Variants in MGAM observed in about 807,000 individuals in gnomAD.
MGAM encodes the protein alpha-1,4-glucosidase.
A neutral mutation model predicts 358.8 loss-of-function variants in MGAM; 253 were observed. The ratio of observed to expected loss-of-function variants is 0.71; its 90% CI spans 0.64 to 0.78. The LOEUF (loss-of-function observed/expected upper bound fraction) is 0.78. Among genes scored for constraint, MGAM ranks in the 30% least tolerant of loss-of-function variants. The pLI is 0.00. For missense variants in MGAM, 3,080 were observed against 3,432.6 expected (o/e 0.90, Z 2.57); for synonymous variants, 1,105 against 1,227.1 (o/e 0.90, Z 2.08).
rs536122263 is a variant in MGAM at position 142,064,594 on chromosome 7, G to A, written c.4484+72G>A. 467 of 1,518,464 alleles carry A rather than the reference G, an allele frequency of 3.1e-4. 1 individual carries two copies. The highest frequency in any genetic ancestry group is 1.4e-4 in the Non-Finnish European group (159 of 1,125,232). The allele number at this position is 1,518,464 out of a possible 1,614,324, so 94.1% of individuals were successfully genotyped here. On this transcript the variant is annotated intron_variant, in intron 37 of 70. Transcript: ENST00000475668. The stretch of plus-strand genomic sequence containing the variant: ...GCCAGTGACTGACATAGCTACCCTA[G>A]TTTTCCTTTCATTCCATTTCTAAGG...
upstream of MGAM, among the ~76,000 whole-genome samples, chr7:141,993,990 C>T (rs1405389950): frequency 3.3e-5 from 5 of 152,104 alleles, no homozygotes; most frequent in Non-Finnish European, 5.9e-5. Context: ...ATTCTCTTGC[C>T]GCAGCCTCAT....
In MGAM at chr7:142,088,992, G is replaced by GTATCTATC. The variant is rs1468943382; in HGVS notation, c.6810+2278_6810+2279insCTATCTAT. Reference sequence around the variant, plus strand: ...TGTATGTATGTATGTATGTATGTATGTATGTATCTATCTATCTATCTATCT... The same window carrying GTATCTATC: ...TGTATGTATGTATGTATGTATGTATGTATCTATCTATGTATCTATCTATCTATCTATCT... On this transcript the variant is annotated intron_variant, in intron 57 of 70. Transcript: ENST00000475668. 6.4e-3 allele frequency among the ~76,000 whole-genome samples: 413 copies of GTATCTATC among 64,376 alleles called. 26 individuals are homozygous for GTATCTATC. Among genetic ancestry groups the GTATCTATC allele is most frequent in the Middle Eastern group, 0.015 (2 of 132 alleles). The allele number at this position is 64,376 out of a possible 152,430, so 42.2% of individuals were successfully genotyped here. A position where few individuals can be genotyped will look rare whatever the true frequency, so the allele number is the denominator to read the frequency against.
At chr7:142,005,014 A>T (rs1805031006) in intron 1 of MGAM, among the ~76,000 whole-genome samples, 1 of 152,088 alleles carries the variant, frequency 6.6e-6, no homozygotes, top group South Asian at 2.1e-4. Context: ...ATGCATAGAG[A>T]TGTAATCAAC....
At chr7:142,023,624 A>G (rs1420974214) in intron 7 of MGAM, among the ~76,000 whole-genome samples, 1 of 152,148 alleles carries the variant, frequency 6.6e-6, no homozygotes, top group African/African-American at 2.4e-5. Context: ...CCTTGCAATG[A>G]GCCGAGATCG....
rs1358521284 is a variant in MGAM at position 142,062,811 on chromosome 7, A to ATCTT, written c.4257+109_4257+110insTCTT. On this transcript the variant is annotated intron_variant, in intron 35 of 70. Transcript: ENST00000475668. ...AGAGGATAGTCATTGTCCAAAGAAG[A>ATCTT]CTTTGGACATAGCAGACACTTCTTC... 6 of 1,528,636 alleles carry ATCTT rather than the reference A, an allele frequency of 3.9e-6. No homozygotes were observed. The African/African-American group carries it at 8.3e-5, about 21-fold the overall frequency. The allele number at this position is 1,528,636 out of a possible 1,614,324, so 94.7% of individuals were successfully genotyped here.
At chr7:142,023,766 C>T (rs1554459939) in intron 7 of MGAM, among the ~76,000 whole-genome samples, 3 of 152,056 alleles carry the variant, frequency 2.0e-5, no homozygotes, top group African/African-American at 7.2e-5. Context: ...GTACATATGC[C>T]TATCAGAAAA....
In MGAM at chr7:142,066,422, C is replaced by T. The variant is rs1219958677; in HGVS notation, c.4771-151C>T. On this transcript the variant is annotated intron_variant, in intron 40 of 70. Transcript: ENST00000475668. ...TTAGGAGAGCTTTGGTGACTCTTTC[C>T]GGTCTATTAAGAATATTCTCTGGGC... The T allele has an allele frequency of 5.9e-5, 56 of 946,238 alleles. 4 individuals are homozygous for T. Among genetic ancestry groups the T allele is most frequent in the Admixed American group, 3.9e-4 (13 of 33,058 alleles). The allele number at this position is 946,238 out of a possible 1,614,324, so 58.6% of individuals were successfully genotyped here. A position where few individuals can be genotyped will look rare whatever the true frequency, so the allele number is the denominator to read the frequency against.
chr7:142,064,371 T>C lies in MGAM; in HGVS notation c.4346-13T>C, dbSNP rs1812519039. ...CAGGGCTGGGTTTCACCTCGCCAGT[T>C]CTTCCTCCTCAGATTTGGAGTCCAG... On this transcript the variant is annotated splice_polypyrimidine_tract_variant and intron_variant, in intron 36 of 70. Coordinates refer to ENST00000475668, the MANE Select transcript of MGAM (RefSeq NM_001365693.1). 1.9e-6 allele frequency: 3 copies of C among 1,603,480 alleles called. No homozygotes were observed. Among genetic ancestry groups the C allele is most frequent in the Non-Finnish European group, 2.6e-6 (3 of 1,175,108 alleles).
chr7:142,077,751 C>T (rs1316379714), intron 47 of MGAM, among the ~76,000 whole-genome samples: 1 of 144,788 alleles, frequency 6.9e-6, no homozygotes, highest in African/African-American at 2.4e-5. Context: ...TTCATATACT[C>T]CATAAATATG....
intron 41 of MGAM, 115 bp from the exon 42 acceptor site, chr7:142,067,226 G>A (rs1295803165): frequency 2.0e-6 from 2 of 984,710 alleles, no homozygotes; most frequent in East Asian, 5.2e-5. Flanking sequence ...AACAAAGCAA[G>A]GATGGCTCAG....
intron 2 of MGAM, among the ~76,000 whole-genome samples, 157 bp downstream of exon 2, chr7:142,005,814 G>T (rs1805111607): frequency 1.3e-5 from 2 of 151,910 alleles, no homozygotes; most frequent in South Asian, 4.2e-4. Context: ...CAGCTCAGTA[G>T]ATATTCATTG....
chr7:142,106,204 C>T lies in MGAM; in HGVS notation c.*313C>T, dbSNP rs866207044. On this transcript the variant is annotated 3_prime_UTR_variant, in exon 71 of 71. Transcript: ENST00000475668. ...CCATGATGAAGTGTGTGTATGTCCA[C>T]GTTTGTAATCATAGAATGGACCCCA... 7.7e-5 allele frequency: 14 copies of T among 182,896 alleles called. No homozygotes were observed. Among genetic ancestry groups the T allele is most frequent in the Non-Finnish European group, 1.3e-4 (11 of 86,172 alleles). 11.3% of individuals were successfully genotyped at this position (182,896 alleles called of 1,614,324 possible). A position where few individuals can be genotyped will look rare whatever the true frequency, so the allele number is the denominator to read the frequency against.
In MGAM at chr7:142,047,884, A is replaced by C. The variant is rs747566723; in HGVS notation, c.2587+11A>C. ...ATGGGGAAACGAAGGGTGAGCACTTATACGATAATGTTGCTGTTTCCCAAC... is the reference window on the plus strand; with the variant it reads ...ATGGGGAAACGAAGGGTGAGCACTTCTACGATAATGTTGCTGTTTCCCAAC... On this transcript the variant is annotated intron_variant, in intron 22 of 70. Transcript: ENST00000475668. The C allele has an allele frequency of 1.9e-6, 3 of 1,583,814 alleles. No homozygotes were observed. Among genetic ancestry groups the C allele is most frequent in the Non-Finnish European group, 2.6e-6 (3 of 1,153,790 alleles).
In MGAM at chr7:142,052,406, C is replaced by T. The variant is rs550361154; in HGVS notation, c.2918C>T (p.Ala973Val). 6.2e-7 allele frequency: 1 copy of T among 1,613,414 alleles called. No individual in the cohort carries two copies. The highest frequency in any genetic ancestry group is 8.5e-7 in the Non-Finnish European group (1 of 1,179,682). The part of the protein sequence containing the change: ...KIDCYPDENG[A>V]SAENCTARGC... ...GACTGTTACCCTGATGAGAATGGTG[C>T]TTCTGCCGAAAACTGCACTGCCCGT... Residue 973 changes from alanine to valine, a missense_variant, in exon 25 of 71, where the codon GCT becomes GTT. Physicochemically the swap from Ala to Val is moderately conservative, Grantham distance 64. Transcript: ENST00000475668.
At chr7:142,017,683 G>A (rs368131457) in intron 3 of MGAM, among the ~76,000 whole-genome samples, 2 of 152,288 alleles carry the variant, frequency 1.3e-5, no homozygotes, top group East Asian at 3.9e-4. Flanking sequence ...GTGGATTGAG[G>A]TTGAGTTCAC....
At position 142,077,935 on chromosome 7, in the gene MGAM, A is replaced by G. The variant is rs1387240674; in HGVS notation, c.5494-383A>G. On this transcript the variant is annotated intron_variant, in intron 47 of 70. Transcript: ENST00000475668. The stretch of plus-strand genomic sequence containing the variant: ...TTGGGGACTGGAGAGCAAGAGGATC[A>G]GCTCACTTTGAGATGACACCATGTG... Among the ~76,000 whole-genome samples, 6 of 145,920 alleles carry G rather than the reference A, an allele frequency of 4.1e-5. 1 individual carries two copies. The highest frequency in any genetic ancestry group is 9.3e-5 in the Non-Finnish European group (6 of 64,462).
In MGAM at chr7:142,082,448, C is replaced by A. The variant is rs768467985; in HGVS notation, c.6172-27C>A. 1.1e-5 allele frequency: 16 copies of A among 1,452,214 alleles called. 2 individuals are homozygous for A. In the East Asian group the frequency reaches 3.9e-4, roughly 35 times the overall value. 90.0% of individuals were successfully genotyped at this position (1,452,214 alleles called of 1,614,324 possible). A position where few individuals can be genotyped will look rare whatever the true frequency, so the allele number is the denominator to read the frequency against. On this transcript the variant is annotated intron_variant, in intron 51 of 70. Coordinates refer to ENST00000475668, the MANE Select transcript of MGAM (RefSeq NM_001365693.1). The stretch of plus-strand genomic sequence containing the variant: ...CTCAGGCATAATGTCTTTTAAACTC[C>A]TACTGCTTCTCCCCATGACTCTCCA...
At chr7:142,044,503 A>T (rs1334686797) in intron 21 of MGAM, among the ~76,000 whole-genome samples, 1 of 105,114 alleles carries the variant, frequency 9.5e-6, no homozygotes, top group Non-Finnish European at 2.0e-5. Flanking sequence ...CTTACGATAT[A>T]TGATATATAA....
chr7:142,022,044 A>G (rs1412240246), intron 6 of MGAM, among the ~76,000 whole-genome samples: 2 of 152,096 alleles, frequency 1.3e-5, no homozygotes, highest in Non-Finnish European at 2.9e-5. Flanking sequence ...GTCATGTAGT[A>G]GGCTGTCTGG....
Sources: allele counts gnomAD v4.1 joint callset (sites outside exome capture counted in the v4.1 genomes callset), GRCh38; gene constraint gnomAD v4.1.1; transcripts MANE v1.5; gene names NCBI Gene and HGNC (gene_info 2026-07-23, HGNC 2026-07-21).